NCOA2: variants seen among roughly 807,000 people sequenced by gnomAD.
NCOA2 encodes the protein nuclear receptor coactivator 2.
Under a neutral mutation model 145.1 loss-of-function variants are expected in NCOA2, and 21 were observed. The ratio of observed to expected loss-of-function variants is 0.14; its 90% CI spans 0.10 to 0.21. NCOA2 has a LOEUF of 0.21. NCOA2 is among the 10% of genes least tolerant of loss of function. NCOA2 has a pLI of 1.00. For synonymous variants in NCOA2, 619 were observed against 637.5 expected, an observed-to-expected ratio of 0.97 and a Z score of 0.44; for missense variants, 1,472 against 1,837.6, an observed-to-expected ratio of 0.80 and a Z score of 3.64.
intron 1 of NCOA2, chr8:70,401,695 G>A (rs937949878): frequency 6.6e-6 from 1 of 152,170 alleles, no homozygotes; most frequent in African/African-American, 2.4e-5. Context: ...CTGCTCCCAT[G>A]CCTTCATTCT....
chr8:70,389,582 C>T (rs368635800), intron 1 of NCOA2, among the ~76,000 whole-genome samples: 3 of 149,148 alleles, frequency 2.0e-5, no homozygotes, highest in Non-Finnish European at 4.5e-5. Context: ...GCCTGGCCAA[C>T]GCCAACATTT....
chr8:70,114,383 A>C (rs951064787), intron 22 of NCOA2, among the ~76,000 whole-genome samples: 5 of 152,206 alleles, frequency 3.3e-5, no homozygotes, highest in African/African-American at 1.2e-4. Flanking sequence ...GAATGACTGA[A>C]TACCAAAGGT....
intron 4 of NCOA2, among the ~76,000 whole-genome samples, chr8:70,212,712 T>G (rs1819168144): frequency 6.6e-6 from 1 of 152,164 alleles, no homozygotes; most frequent in Non-Finnish European, 1.5e-5. Context: ...GATATTATTT[T>G]TATGAAATAT....
chr8:70,357,975 T>A (rs1272895293), intron 1 of NCOA2, among the ~76,000 whole-genome samples: 1 of 151,764 alleles, frequency 6.6e-6, no homozygotes, highest in East Asian at 1.9e-4. Flanking sequence ...CACTTGAACC[T>A]GGGAGGCGGA....
At chr8:70,159,244 T>TATATATATATATATATATATATA in intron 10 of NCOA2, among the ~76,000 whole-genome samples, 128 of 69,258 alleles carry the variant, frequency 1.8e-3, no homozygotes, top group Middle Eastern at 7.7e-3. Flanking sequence ...ATATATATAT[T>TATATATATATATATATATATATA]TTTTTTTTTT....
intron 4 of NCOA2, among the ~76,000 whole-genome samples, chr8:70,175,899 CAG>C (rs1375726542): frequency 6.7e-6 from 1 of 148,840 alleles, no homozygotes; most frequent in Non-Finnish European, 1.5e-5. Context: ...ATATTTTATA[CAG>C]TATGTTGAAA....
At chr8:70,301,604 C>T (rs1297226841) in intron 1 of NCOA2, among the ~76,000 whole-genome samples, 4 of 132,652 alleles carry the variant, frequency 3.0e-5, no homozygotes, top group Non-Finnish European at 4.6e-5. Context: ...TGCAGTGAGT[C>T]GTGATCACGC....
intron 1 of NCOA2, among the ~76,000 whole-genome samples, chr8:70,403,312 C>G (rs1312793534): frequency 6.6e-6 from 1 of 151,378 alleles, no homozygotes; most frequent in African/African-American, 2.4e-5. Flanking sequence ...GCCCGCACCC[C>G]CGGCCGCGCC....
the NCOA2 span, among the ~76,000 whole-genome samples, chr8:70,409,975 C>G: frequency 6.6e-6 from 1 of 152,060 alleles, no homozygotes; most frequent in African/African-American, 2.4e-5. Flanking sequence ...TTTGGGAGAC[C>G]AAGACAGCCG....
the NCOA2 span, among the ~76,000 whole-genome samples, chr8:70,439,385 G>A: frequency 6.6e-6 from 1 of 152,136 alleles, no homozygotes; most frequent in Admixed American, 6.5e-5. Context: ...GGAGGAACAG[G>A]GAAAACCAGG....
chr8:70,170,170 G>A, intron 6 of NCOA2, 32 bp downstream of exon 6: 1 of 1,603,836 alleles, frequency 6.2e-7, no homozygotes. Context: ...GGGGTGACGG[G>A]AGGTAGGGAG....
At chr8:70,175,062 AC>A (rs1489023417) in intron 4 of NCOA2, among the ~76,000 whole-genome samples, 1 of 152,184 alleles carries the variant, frequency 6.6e-6, no homozygotes, top group South Asian at 2.1e-4. Flanking sequence ...CACCTCTAGA[AC>A]CTGTGGCTTG....
At chr8:70,266,761 T>C (rs1824630875) in intron 2 of NCOA2, among the ~76,000 whole-genome samples, 2 of 152,258 alleles carry the variant, frequency 1.3e-5, no homozygotes, top group Non-Finnish European at 2.9e-5. Flanking sequence ...CAATATTTAT[T>C]GGATGCCTAG....
At chr8:70,417,245 T>TAA in the NCOA2 span, among the ~76,000 whole-genome samples, 10,167 of 77,844 alleles carry the variant, frequency 0.13, 1,085 homozygotes, top group East Asian at 0.47. Context: ...TCGTCTCTAT[T>TAA]AAAAAAAAAA....
chr8:70,129,174 G>T (rs1366237243), intron 16 of NCOA2, among the ~76,000 whole-genome samples, 194 bp from the exon 17 acceptor site: 3 of 152,162 alleles, frequency 2.0e-5, no homozygotes, highest in Admixed American at 1.3e-4. Flanking sequence ...CACAGCTCTG[G>T]TTACACAAGG....
chr8:70,410,285 C>T, the NCOA2 span, among the ~76,000 whole-genome samples: 1 of 152,056 alleles, frequency 6.6e-6, no homozygotes, highest in Non-Finnish European at 1.5e-5. Flanking sequence ...TCTTTGCTGG[C>T]AGAATTGTAC....
chr8:70,170,896 C>T (rs1307474666), intron 5 of NCOA2, among the ~76,000 whole-genome samples: 1 of 152,158 alleles, frequency 6.6e-6, no homozygotes, highest in East Asian at 1.9e-4. Context: ...ATATGAAAAA[C>T]ATCACAGATA....
chr8:70,214,524 T>C (rs1461164240), intron 3 of NCOA2, among the ~76,000 whole-genome samples: 2 of 152,142 alleles, frequency 1.3e-5, no homozygotes, highest in Non-Finnish European at 2.9e-5. Context: ...TGGTAAAACA[T>C]AAAAAATAAA....
intron 4 of NCOA2, among the ~76,000 whole-genome samples, chr8:70,206,304 G>GT (rs1452509609): frequency 6.6e-6 from 1 of 151,774 alleles, no homozygotes; most frequent in Non-Finnish European, 1.5e-5. Flanking sequence ...CTCTGTCATT[G>GT]TGAGTCTCTC....
Sources: allele counts gnomAD v4.1 joint callset (sites outside exome capture counted in the v4.1 genomes callset), GRCh38; gene constraint gnomAD v4.1.1; transcripts MANE v1.5; gene names NCBI Gene and HGNC (gene_info 2026-07-23, HGNC 2026-07-21).